SIL1: variants seen among roughly 807,000 people sequenced by gnomAD.
SIL1 encodes SIL1 nucleotide exchange factor.
A neutral mutation model predicts 49.1 loss-of-function variants in SIL1; 40 were observed. The ratio of observed to expected loss-of-function variants is 0.81; its 90% confidence interval spans 0.63 to 1.06. The LOEUF is 1.06. Among genes scored for constraint, SIL1 ranks in the 50% least tolerant of loss-of-function variants. SIL1 has a pLI of 0.00. For missense variants in SIL1, 500 were observed against 572.6 expected (o/e 0.87, Z 1.29); for synonymous variants, 253 against 250.8 (o/e 1.01, Z -0.08).
intron 3 of SIL1, among the ~76,000 whole-genome samples, chr5:139,062,600 C>T (rs931476860): frequency 1.3e-5 from 2 of 152,210 alleles, no homozygotes; most frequent in Admixed American, 1.3e-4. Flanking sequence ...CTTTCCAGTC[C>T]TCAAGGAGGA....
At chr5:138,963,179 G>GC (rs1767062787) in intron 7 of SIL1, among the ~76,000 whole-genome samples, 1 of 152,134 alleles carries the variant, frequency 6.6e-6, no homozygotes, top group African/African-American at 2.4e-5. Flanking sequence ...ACCCTGCAGG[G>GC]CAAGAGGGGA....
intron 5 of SIL1, chr5:139,035,575 A>T: frequency 2.1e-6 from 1 of 465,640 alleles, no homozygotes; most frequent in Non-Finnish European, 4.2e-6. Context: ...GCCAGATACC[A>T]GCAATGATAC....
At chr5:139,117,372 G>A (rs1307603027) in intron 3 of SIL1, among the ~76,000 whole-genome samples, 1 of 152,178 alleles carries the variant, frequency 6.6e-6, no homozygotes, top group Admixed American at 6.5e-5. Context: ...TAAAAATGAG[G>A]ATAGTTATAG....
chr5:139,049,783 A>C (rs2150452862), intron 4 of SIL1, among the ~76,000 whole-genome samples: 1 of 150,950 alleles, frequency 6.6e-6, no homozygotes, highest in South Asian at 2.1e-4. Context: ...ACAGAGCAAG[A>C]CCCTATCTCT....
intron 7 of SIL1, among the ~76,000 whole-genome samples, chr5:139,019,717 C>T (rs1768474757): frequency 6.6e-6 from 1 of 152,140 alleles, no homozygotes; most frequent in African/African-American, 2.4e-5. Flanking sequence ...CATGAAAATG[C>T]TACACAGTTT....
intron 7 of SIL1, among the ~76,000 whole-genome samples, chr5:138,960,693 T>TTCCAA (rs1767002424): frequency 1.3e-5 from 2 of 152,236 alleles, no homozygotes; most frequent in Non-Finnish European, 2.9e-5. Context: ...TGGCCTCAAG[T>TTCCAA]GATCTGCCAG....
chr5:139,097,218 C>T (rs62381238), intron 3 of SIL1, among the ~76,000 whole-genome samples: 14,032 of 151,904 alleles, frequency 0.092, 730 homozygotes, highest in Non-Finnish European at 0.11. Flanking sequence ...GACTCCCAGG[C>T]GGCACCTCTA....
At chr5:139,035,381 C>A (rs758571258) in intron 5 of SIL1, 1 of 537,852 alleles carries the variant, frequency 1.9e-6, no homozygotes, top group Admixed American at 1.9e-5. Flanking sequence ...TGTCCCTTGG[C>A]AGTTCCTTGA....
At position 139,011,324 on chromosome 5, in the gene SIL1, C is replaced by G. The variant is rs557922058; in HGVS notation, c.767+9847G>C. On this transcript the variant is annotated intron_variant, in intron 7 of 9. Transcript: ENST00000394817. ...CAATGCCTCGCCCTGCTTCGGCTCC[C>G]GCACCGTGCGCGCACCCACTGGCCT... Among the ~76,000 whole-genome samples the G allele has an allele frequency of 5.5e-3, 840 of 152,322 alleles. 2 individuals carry two copies. Among genetic ancestry groups the G allele is most frequent in the African/African-American group, 0.019 (805 of 41,558 alleles).
chr5:139,174,128 T>C (rs1751832279), intron 1 of SIL1, among the ~76,000 whole-genome samples: 1 of 151,316 alleles, frequency 6.6e-6, no homozygotes. Flanking sequence ...AGAAAAATAA[T>C]AGAAAAAAAT....
chr5:139,085,771 G>C (rs1468956292), intron 3 of SIL1, among the ~76,000 whole-genome samples: 1 of 152,176 alleles, frequency 6.6e-6, no homozygotes, highest in East Asian at 1.9e-4. Context: ...CAGCAAGTGA[G>C]GATGAGGCTG....
At chr5:139,108,804 T>C (rs1333943914) in intron 3 of SIL1, among the ~76,000 whole-genome samples, 1 of 151,190 alleles carries the variant, frequency 6.6e-6, no homozygotes, top group African/African-American at 2.4e-5. Context: ...CACCTGCCAG[T>C]CAGCTGCAGG....
chr5:138,999,005 C>T (rs537858310), intron 7 of SIL1, among the ~76,000 whole-genome samples: 159 of 151,916 alleles, frequency 1.0e-3, no homozygotes, highest in Middle Eastern at 6.8e-3. Flanking sequence ...TACAGGTGCC[C>T]GCCACCACGC....
chr5:139,056,472 C>T (rs1315087587), intron 3 of SIL1, among the ~76,000 whole-genome samples: 11 of 151,106 alleles, frequency 7.3e-5, no homozygotes, highest in Non-Finnish European at 1.3e-4. Context: ...CGTCTCCGCC[C>T]GGCAGCCACC....
intron 3 of SIL1, among the ~76,000 whole-genome samples, chr5:139,056,660 C>G (rs1217876362): frequency 4.2e-5 from 6 of 143,678 alleles, no homozygotes; most frequent in African/African-American, 1.7e-4. Context: ...GGTCAGCCCC[C>G]CGCCTGGCCA....
intron 1 of SIL1, among the ~76,000 whole-genome samples, chr5:139,168,953 G>A (rs1362694855): frequency 1.4e-5 from 2 of 140,194 alleles, no homozygotes; most frequent in Non-Finnish European, 3.0e-5. Context: ...TGAAGACCCT[G>A]TCTCAAAAAA....
intron 3 of SIL1, among the ~76,000 whole-genome samples, chr5:139,109,486 C>T (rs1770794929): frequency 6.6e-6 from 1 of 152,072 alleles, no homozygotes; most frequent in African/African-American, 2.4e-5. Context: ...ATTTTGTTCC[C>T]ATGTAGACGT....
At chr5:139,156,477 T>C (rs569658226) in intron 1 of SIL1, among the ~76,000 whole-genome samples, 4 of 151,982 alleles carry the variant, frequency 2.6e-5, no homozygotes, top group Non-Finnish European at 4.4e-5. Context: ...GAAGGATCCC[T>C]TGAGCCCAGG....
chr5:139,027,097 C>T, intron 5 of SIL1, 105 bp from the exon 6 acceptor site: 3 of 1,012,316 alleles, frequency 3.0e-6, no homozygotes, highest in African/African-American at 1.6e-5. Flanking sequence ...TGCTCCAAGA[C>T]TCACAGTCTT....
Sources: gnomAD v4.1 joint callset for allele counts (sites outside exome capture counted in the v4.1 genomes callset) on GRCh38, gnomAD v4.1.1 for gene constraint, MANE v1.5 for transcripts, NCBI Gene and HGNC (gene_info 2026-07-23, HGNC 2026-07-21) for gene names.